Variants in CFLAR observed in about 807,000 individuals in gnomAD.
CFLAR encodes CASP8 and FADD like apoptosis regulator.
A neutral mutation model predicts 51.1 loss-of-function variants in CFLAR; 14 were observed. The ratio of observed to expected loss-of-function variants is 0.27; its 90% CI spans 0.18 to 0.43. The LOEUF (loss-of-function observed/expected upper bound fraction) is 0.43, where lower values mean the gene tolerates loss of function less well. Ranked by LOEUF, CFLAR falls within the 20% of genes least tolerant of loss-of-function variation. The pLI is 1.00. For missense variants in CFLAR, 390 were observed against 566.5 expected (o/e 0.69, Z 3.16); for synonymous variants, 210 against 211.6 (o/e 0.99, Z 0.06).
intron 8 of CFLAR, among the ~76,000 whole-genome samples, chr2:201,155,425 C>T (rs565657443): frequency 3.3e-5 from 5 of 151,778 alleles, no homozygotes; most frequent in East Asian, 2.0e-4. Flanking sequence ...CCATCATGCC[C>T]GGCTAATTTT....
At position 201,142,267 on chromosome 2, in the gene CFLAR, CT is replaced by C. The variant is rs564275110; in HGVS notation, c.606+1830del. On this transcript the variant is annotated intron_variant, in intron 5 of 9. Transcript: ENST00000309955. ...TCCAGCCCTGGTGACAGAGTGAGAC[CT>C]TGTCTCTAAAAGAAAAAAAAATATT... 8.9e-4 allele frequency among the ~76,000 whole-genome samples: 131 copies of C among 146,492 alleles called. No homozygotes were observed. In the Middle Eastern group the frequency reaches 0.017, roughly 19 times the overall value.
At chr2:201,152,266 G>A (rs1453658143) in intron 8 of CFLAR, among the ~76,000 whole-genome samples, 1 of 152,152 alleles carries the variant, frequency 6.6e-6, no homozygotes, top group East Asian at 1.9e-4. Context: ...AAAGTGCTGG[G>A]ATTACAGGCA....
At chr2:201,133,788 G>A (rs992412376) in intron 3 of CFLAR, among the ~76,000 whole-genome samples, 9 of 151,888 alleles carry the variant, frequency 5.9e-5, no homozygotes, top group African/African-American at 1.4e-4. Context: ...AAAAGTAGCC[G>A]GGTGTGGTGG....
Position 201,167,560 on chromosome 2 carries a change from T to A in CFLAR, c.*3587T>A, listed in dbSNP as rs1048300688. The A allele has an allele frequency of 6.6e-6, 1 of 152,114 alleles. No homozygotes were observed. The highest frequency in any genetic ancestry group is 2.4e-5 in the African/African-American group (1 of 41,392). The allele number at this position is 152,114 out of a possible 1,614,324, so 9.4% of individuals were successfully genotyped here. The stretch of plus-strand genomic sequence containing the variant: ...ACCACAAACAACAACAAAAAGTTAT[T>A]TTGTACTTGTTTTGAGCACAGGACT... On this transcript the variant is annotated 3_prime_UTR_variant, in exon 10 of 10. Transcript: ENST00000309955.
chr2:201,149,462 C>CA (rs1940878702), intron 7 of CFLAR: 3 of 302,332 alleles, frequency 9.9e-6, no homozygotes, highest in Non-Finnish European at 1.9e-5. Context: ...ACAAATCACT[C>CA]ATGTTTTCTC....
chr2:201,175,364 C>G lies in CFLAR; in HGVS notation c.*11391C>G, dbSNP rs1481099126. 6.6e-6 allele frequency: 1 copy of G among 152,460 alleles called. No individual in the cohort carries two copies. Among genetic ancestry groups the G allele is most frequent in the East Asian group, 1.9e-4 (1 of 5,188 alleles). 9.4% of individuals were successfully genotyped at this position (152,460 alleles called of 1,614,324 possible). On this transcript the variant is annotated 3_prime_UTR_variant, in exon 10 of 10. Coordinates refer to ENST00000309955, the MANE Select transcript of CFLAR (RefSeq NM_003879.7). ...TTTGGCTGGGCGCAGTGGCTCATGC[C>G]TGTAATCCCAGGACTTTGGGAGGCT...
intron 1 of CFLAR, 159 bp from the exon 2 acceptor site, chr2:201,129,570 T>A (rs2049040952): frequency 2.3e-6 from 1 of 426,738 alleles, no homozygotes; most frequent in Non-Finnish European, 4.1e-6. Flanking sequence ...TGGTTCTGTC[T>A]ACCAAGGATC....
At chr2:201,149,183 C>G in intron 7 of CFLAR, 131 bp downstream of exon 7, 1 of 629,410 alleles carries the variant, frequency 1.6e-6, no homozygotes, top group Non-Finnish European at 2.8e-6. Flanking sequence ...CTCCTGAGAA[C>G]TTCCATACAA....
At chr2:201,153,989 C>T (rs189608754) in intron 8 of CFLAR, 16 of 164,510 alleles carry the variant, frequency 9.7e-5, no homozygotes, top group Admixed American at 8.0e-4. Flanking sequence ...ACTGCAACCT[C>T]TCCCTCCCAA....
At chr2:201,117,252 C>G (rs1375166462) in intron 1 of CFLAR, 1 of 152,160 alleles carries the variant, frequency 6.6e-6, no homozygotes. Context: ...TTTTTAGAGC[C>G]TTTTAAAATG....
At chr2:201,119,837 A>G (rs1356467441) in intron 1 of CFLAR, among the ~76,000 whole-genome samples, 1 of 144,194 alleles carries the variant, frequency 6.9e-6, no homozygotes, top group East Asian at 2.0e-4. Flanking sequence ...TTTCAGTTTA[A>G]TGTTTTTTTT....
In CFLAR at chr2:201,135,633, C is replaced by T. The variant is rs890746469; in HGVS notation, c.388-339C>T. 5.3e-5 allele frequency among the ~76,000 whole-genome samples: 8 copies of T among 151,718 alleles called. 1 individual carries two copies. Among genetic ancestry groups the T allele is most frequent in the Admixed American group, 3.9e-4 (6 of 15,212 alleles). On this transcript the variant is annotated intron_variant, in intron 3 of 9. Coordinates refer to ENST00000309955, the MANE Select transcript of CFLAR (RefSeq NM_003879.7). ...TGCATTTGGGGCTTATTAGTCAGCTCTATTTTTTTTTTTTGAGACAGGGTC... is the reference window on the plus strand; with the variant it reads ...TGCATTTGGGGCTTATTAGTCAGCTTTATTTTTTTTTTTTGAGACAGGGTC...
Position 201,138,761 on chromosome 2 carries a change from G to T in CFLAR, c.524-1596G>T. 1 of 770,842 alleles carries T rather than the reference G, an allele frequency of 1.3e-6. No individual in the cohort carries two copies. 47.8% of individuals were successfully genotyped at this position (770,842 alleles called of 1,614,324 possible). On this transcript the variant is annotated intron_variant, in intron 4 of 9. Coordinates refer to ENST00000309955, the MANE Select transcript of CFLAR (RefSeq NM_003879.7). This position sits in a 1 kb window ranked among gnomAD's most constrained non-coding sequence, Gnocchi z 4.0. The stretch of plus-strand genomic sequence containing the variant: ...TGACCTTCTGCACCTCACTGGCCTG[G>T]AACTCTGGGGTGCAGTTGTGGTGAA...
intron 1 of CFLAR, chr2:201,122,558 G>A (rs906908608): frequency 1.3e-5 from 2 of 152,206 alleles, no homozygotes; most frequent in African/African-American, 4.8e-5. Context: ...TAATGAAGAT[G>A]AGTAAAAGCC....
Position 201,164,020 on chromosome 2 carries a change from C to T in CFLAR, c.*47C>T. ...GTGGCTCACACCTGTAATCCCAGCA[C>T]TTTGGGAGGCCAAGGAGGGCAGATC... On this transcript the variant is annotated 3_prime_UTR_variant, in exon 10 of 10. Coordinates refer to ENST00000309955, the MANE Select transcript of CFLAR (RefSeq NM_003879.7). 1 of 1,533,626 alleles carries T rather than the reference C, an allele frequency of 6.5e-7. No individual in the cohort carries two copies. The highest frequency in any genetic ancestry group is 1.2e-5 in the South Asian group (1 of 84,610).
chr2:201,125,159 A>G (rs1357919432), intron 1 of CFLAR, among the ~76,000 whole-genome samples: 1 of 152,232 alleles, frequency 6.6e-6, no homozygotes, highest in African/African-American at 2.4e-5. Flanking sequence ...TTAAATAAAG[A>G]CAGCGTCAGT....
chr2:201,131,281 G>A (rs2049286970), intron 2 of CFLAR, among the ~76,000 whole-genome samples: 1 of 152,166 alleles, frequency 6.6e-6, no homozygotes, highest in East Asian at 1.9e-4. Context: ...CTGCAGCCCA[G>A]GCTGGAGTGC....
rs1261415991 is a variant in CFLAR at position 201,170,610 on chromosome 2, C to T, written c.*6637C>T. The T allele has an allele frequency of 1.3e-5, 2 of 152,142 alleles. No homozygotes were observed. Among genetic ancestry groups the T allele is most frequent in the East Asian group, 3.8e-4 (2 of 5,202 alleles). 9.4% of individuals were successfully genotyped at this position (152,142 alleles called of 1,614,324 possible). A position where few individuals can be genotyped will look rare whatever the true frequency, so the allele number is the denominator to read the frequency against. On this transcript the variant is annotated 3_prime_UTR_variant, in exon 10 of 10. Coordinates refer to ENST00000309955, the MANE Select transcript of CFLAR (RefSeq NM_003879.7). ...AAATGGTTTTGAAAATATAGAAAGG[C>T]ACAATTTCTTTTTAAATCTGTTATT...
At chr2:201,145,725 A>G (rs1940001148) in intron 6 of CFLAR, 1 of 304,490 alleles carries the variant, frequency 3.3e-6, no homozygotes, top group South Asian at 5.2e-5. Flanking sequence ...AGGCCATGTT[A>G]AACATTGATC....
Sources: allele counts gnomAD v4.1 joint callset (sites outside exome capture counted in the v4.1 genomes callset), GRCh38; gene constraint gnomAD v4.1.1; non-coding constraint Gnocchi (gnomAD v3.1); transcripts MANE v1.5; gene names NCBI Gene and HGNC (gene_info 2026-07-23, HGNC 2026-07-21).